GTSE1: variants seen among roughly 807,000 people sequenced by gnomAD.
GTSE1 encodes G2 and S-phase expressed 1, also known as G2 and S phase-expressed protein 1.
GTSE1 carries 52 observed loss-of-function variants against 60.5 expected under a neutral mutation model. The observed-to-expected ratio is 0.86, with a 90% CI of 0.69 to 1.08. The LOEUF (loss-of-function observed/expected upper bound fraction) is 1.08. Among genes scored for constraint, GTSE1 ranks in the 50% least tolerant of loss-of-function variants. The pLI is 0.00. For missense variants in GTSE1, 937 were observed against 961.8 expected, an observed-to-expected ratio of 0.97 and a Z score of 0.34; for synonymous variants, 368 against 386.5, an observed-to-expected ratio of 0.95 and a Z score of 0.56.
rs750967626 is a variant in GTSE1 at position 46,328,726 on chromosome 22, C to T, written c.1763C>T (p.Ser588Phe). The T allele has an allele frequency of 1.2e-6, 2 of 1,614,034 alleles. No individual in the cohort carries two copies. The highest frequency in any genetic ancestry group is 8.5e-7 in the Non-Finnish European group (1 of 1,179,858). The change falls in exon 10 of 12, where the codon TCC (serine) becomes TTC (phenylalanine). Residue 588 changes from serine to phenylalanine, a missense_variant. Coordinates refer to ENST00000454366, the MANE Select transcript of GTSE1 (RefSeq NM_016426.7). ...PTRESNRKTD[S>F]RLVDVSPDRG... is the part of the protein sequence containing the mutation. ...AGGGAGAGCAACAGAAAGACAGATT[C>T]CAGGCTGGTGGATGTGTCCCCTGAC...
chr22:46,308,535 C>CCAGGCAGCCCAAGCTGCCAAGCCTGAAG lies in GTSE1; in HGVS notation c.355_382dup (p.Asp128AlafsTer9). On this transcript the variant is annotated frameshift_variant, in exon 4 of 12. Transcript: ENST00000454366. LOFTEE classifies it high-confidence loss of function. ...TACACATTGAGAGCAGCAGCCGGAACCAGGCAGCCCAAGCTGCCAAGCCTG... is the reference window on the plus strand; with the variant it reads ...TACACATTGAGAGCAGCAGCCGGAACCAGGCAGCCCAAGCTGCCAAGCCTGAAGCAGGCAGCCCAAGCTGCCAAGCCTG... 1 of 1,614,164 alleles carries CCAGGCAGCCCAAGCTGCCAAGCCTGAAG rather than the reference C, an allele frequency of 6.2e-7. No homozygotes were observed. Among genetic ancestry groups the CCAGGCAGCCCAAGCTGCCAAGCCTGAAG allele is most frequent in the Non-Finnish European group, 8.5e-7 (1 of 1,180,018 alleles).
At chr22:46,299,372 T>C (rs1441493495) in intron 2 of GTSE1, among the ~76,000 whole-genome samples, 1 of 152,276 alleles carries the variant, frequency 6.6e-6, no homozygotes, top group Admixed American at 6.5e-5. Context: ...CTCCGAGCTC[T>C]GGGCTTGTAT....
In GTSE1 at chr22:46,297,711, C is replaced by G. The variant is rs2077665441; in HGVS notation, c.79+232C>G. Reference sequence around the variant, plus strand: ...TTATTTACCGCAGTGCTCCCATGCCCTGAACAGCACCTAACACTTTGTGGG... The same window carrying G: ...TTATTTACCGCAGTGCTCCCATGCCGTGAACAGCACCTAACACTTTGTGGG... On this transcript the variant is annotated intron_variant, in intron 2 of 11. Transcript: ENST00000454366. The surrounding 1 kb of genome is among the most constrained non-coding windows in gnomAD (Gnocchi z 4.9). Among the ~76,000 whole-genome samples the G allele has an allele frequency of 6.6e-6, 1 of 152,246 alleles. No homozygotes were observed. The highest frequency in any genetic ancestry group is 2.4e-5 in the African/African-American group (1 of 41,464).
chr22:46,308,461 G>A lies in GTSE1; in HGVS notation c.280G>A (p.Ala94Thr), dbSNP rs770828020. 1.2e-6 allele frequency: 2 copies of A among 1,614,050 alleles called. No homozygotes were observed. Among genetic ancestry groups the A allele is most frequent in the Admixed American group, 1.7e-5 (1 of 59,996 alleles). ...SESPFAWSPL[A>T]GEKFVEVYKE... is the part of the protein sequence containing the mutation. ...GAGTCCCTTTGCCTGGAGCCCTCTG[G>A]CCGGGGAGAAGTTCGTGGAGGTGTA... is the stretch of plus-strand genomic sequence containing the variant. The change falls in exon 4 of 12, where the codon GCC becomes ACC. Residue 94 changes from alanine to threonine, a missense_variant. Ala to Thr is a moderately conservative substitution (Grantham distance 58). Coordinates refer to ENST00000454366, the MANE Select transcript of GTSE1 (RefSeq NM_016426.7).
intron 6 of GTSE1, among the ~76,000 whole-genome samples, chr22:46,315,165 T>A (rs1032915117): frequency 7.0e-6 from 1 of 142,100 alleles, no homozygotes; most frequent in Non-Finnish European, 1.6e-5. Context: ...TTCGAGTGAT[T>A]CTCCTGCCTC....
In GTSE1 at chr22:46,314,732, C is replaced by T. The variant is rs555320243; in HGVS notation, c.1051+719C>T. Among the ~76,000 whole-genome samples the T allele has an allele frequency of 1.9e-4, 29 of 151,714 alleles. No individual in the cohort carries two copies. Among genetic ancestry groups the T allele is most frequent in the African/African-American group, 5.3e-4 (22 of 41,396 alleles). On this transcript the variant is annotated intron_variant, in intron 6 of 11. Transcript: ENST00000454366. This position sits in a 1 kb window ranked among gnomAD's most constrained non-coding sequence, Gnocchi z 7.1. The stretch of plus-strand genomic sequence containing the variant: ...CTCTACTAAAAACACAAAAACTAGC[C>T]GGGCATGGTGGCGGGTGCCTGTAGT...
At position 46,303,816 on chromosome 22, in the gene GTSE1, G is replaced by GT. The variant is rs2077702355; in HGVS notation, c.80-4333dup. Among the ~76,000 whole-genome samples, 11 of 152,284 alleles carry GT rather than the reference G, an allele frequency of 7.2e-5. No homozygotes were observed. The South Asian group carries it at 2.1e-3, about 29-fold the overall frequency. The stretch of plus-strand genomic sequence containing the variant: ...CAGTGAAATGGGAATGTTGTCGTGT[G>GT]TGTCATTTCTGGGTGGAAATCTTCA... On this transcript the variant is annotated intron_variant, in intron 2 of 11. Coordinates refer to ENST00000454366, the MANE Select transcript of GTSE1 (RefSeq NM_016426.7).
At chr22:46,300,417 C>T (rs985238533) in intron 2 of GTSE1, among the ~76,000 whole-genome samples, 7 of 152,270 alleles carry the variant, frequency 4.6e-5, no homozygotes, top group South Asian at 4.1e-4. Flanking sequence ...TCTTAAAGCC[C>T]GGTAATAGTT....
Position 46,308,808 on chromosome 22 carries a change from T to C in GTSE1, c.627T>C (p.Ala209=). 1.2e-6 allele frequency: 2 copies of C among 1,613,266 alleles called. No homozygotes were observed. The highest frequency in any genetic ancestry group is 1.7e-6 in the Non-Finnish European group (2 of 1,180,000). The change falls in exon 4 of 12, where the codon GCT becomes GCC. Residue 209 remains alanine, a synonymous_variant. Coordinates refer to ENST00000454366, the MANE Select transcript of GTSE1 (RefSeq NM_016426.7). ...GGGCGCCGGGGCCTCCGCACTCTGC[T>C]CATGCTTTGCCCAGGGAATCATGCA... ...LTRAPGPPHS[A]HALPRESCTA...
intron 8 of GTSE1, among the ~76,000 whole-genome samples, chr22:46,323,914 G>A (rs1056615535): frequency 7.9e-5 from 12 of 151,982 alleles, no homozygotes; most frequent in African/African-American, 2.2e-4. Flanking sequence ...GGATGGTCTC[G>A]ATCTCCTGGC....
Position 46,314,779 on chromosome 22 carries a change from G to A in GTSE1, c.1051+766G>A, listed in dbSNP as rs1303562080. Among the ~76,000 whole-genome samples, 2 of 150,830 alleles carry A rather than the reference G, an allele frequency of 1.3e-5. No homozygotes were observed. The highest frequency in any genetic ancestry group is 2.9e-5 in the Non-Finnish European group (2 of 67,904). ...TAGTCCCAGCTACTCGGGAGACTGG[G>A]CCACGAGAATGGCTTGAACGCGGGA... On this transcript the variant is annotated intron_variant, in intron 6 of 11. Coordinates refer to ENST00000454366, the MANE Select transcript of GTSE1 (RefSeq NM_016426.7). The surrounding 1 kb of genome is among the most constrained non-coding windows in gnomAD (Gnocchi z 7.1).
Position 46,318,625 on chromosome 22 carries a change from C to T in GTSE1, c.1432+2213C>T, listed in dbSNP as rs76958217. 6.6e-6 allele frequency among the ~76,000 whole-genome samples: 1 copy of T among 151,994 alleles called. No individual in the cohort carries two copies. Among genetic ancestry groups the T allele is most frequent in the Non-Finnish European group, 1.5e-5 (1 of 68,018 alleles). On this transcript the variant is annotated intron_variant, in intron 7 of 11. Coordinates refer to ENST00000454366, the MANE Select transcript of GTSE1 (RefSeq NM_016426.7). The surrounding 1 kb of genome is among the most constrained non-coding windows in gnomAD (Gnocchi z 4.8). ...GGTGACACGGGACTGAGATCTGAAC[C>T]AGGAGACTGAGGCAGCCGGTAGGAA...
In GTSE1 at chr22:46,321,938, G is replaced by A. The variant is rs2077815003; in HGVS notation, c.1433-1252G>A. ...ACAATACAAAAATTATCCGGGCGTG[G>A]TGGCGGGCACCTATAATTCCAGCTA... On this transcript the variant is annotated intron_variant, in intron 7 of 11. Transcript: ENST00000454366. The surrounding 1 kb of genome is among the most constrained non-coding windows in gnomAD (Gnocchi z 4.0). Among the ~76,000 whole-genome samples, 1 of 152,054 alleles carries A rather than the reference G, an allele frequency of 6.6e-6. No homozygotes were observed. Among genetic ancestry groups the A allele is most frequent in the South Asian group, 2.1e-4 (1 of 4,820 alleles).
At position 46,297,105 on chromosome 22, in the gene GTSE1, C is replaced by T. The variant is rs371165804; in HGVS notation, c.-22+174C>T. 4.6e-5 allele frequency among the ~76,000 whole-genome samples: 7 copies of T among 152,328 alleles called. No individual in the cohort carries two copies. The East Asian group carries it at 7.7e-4, about 17-fold the overall frequency. ...GTCGGGGATGCCGGGAGGTCTAGGG[C>T]TGCCCCCCAGGCAAACAGAGCCCCC... On this transcript the variant is annotated intron_variant, in intron 1 of 11. Coordinates refer to ENST00000454366, the MANE Select transcript of GTSE1 (RefSeq NM_016426.7). The surrounding 1 kb of genome is among the most constrained non-coding windows in gnomAD (Gnocchi z 4.9).
rs2077762360 is a variant in GTSE1, at chr22:46,313,792, C to A, written c.928-98C>A. 5.2e-6 allele frequency: 7 copies of A among 1,358,836 alleles called. No individual in the cohort carries two copies. In the Admixed American group the frequency reaches 1.2e-4, roughly 24 times the overall value. The allele number at this position is 1,358,836 out of a possible 1,614,324, so 84.2% of individuals were successfully genotyped here. ...AAAGTGCTGGGATTACAGGCGTGAG[C>A]CACCGTGCCCAGCCAAAAACCCCTT... On this transcript the variant is annotated intron_variant, in intron 5 of 11. Coordinates refer to ENST00000454366, the MANE Select transcript of GTSE1 (RefSeq NM_016426.7). The surrounding 1 kb of genome is among the most constrained non-coding windows in gnomAD (Gnocchi z 4.4).
chr22:46,311,296 T>A (rs2077747272), intron 4 of GTSE1, among the ~76,000 whole-genome samples: 1 of 152,190 alleles, frequency 6.6e-6, no homozygotes, highest in Non-Finnish European at 1.5e-5. Flanking sequence ...CAGGCTGGTC[T>A]CAAACTCCTG....
rs1180517612 is a variant in GTSE1, at chr22:46,317,038, T to A, written c.1432+626T>A. 6.6e-6 allele frequency among the ~76,000 whole-genome samples: 1 copy of A among 152,236 alleles called. No homozygotes were observed. Among genetic ancestry groups the A allele is most frequent in the African/African-American group, 2.4e-5 (1 of 41,468 alleles). ...ATGCAGTGGCGCGATCTCAGCGCAC[T>A]GTAACCTCCACCTACCGAGTTCAAG... On this transcript the variant is annotated intron_variant, in intron 7 of 11. Transcript: ENST00000454366. The surrounding 1 kb of genome is among the most constrained non-coding windows in gnomAD (Gnocchi z 5.6).
chr22:46,329,392 CG>C lies in GTSE1; in HGVS notation c.1963del (p.Val655SerfsTer28). 6.2e-7 allele frequency: 1 copy of C among 1,614,106 alleles called. No individual in the cohort carries two copies. The highest frequency in any genetic ancestry group is 8.5e-7 in the Non-Finnish European group (1 of 1,179,962). On this transcript the variant is annotated frameshift_variant, in exon 11 of 12. Coordinates refer to ENST00000454366, the MANE Select transcript of GTSE1 (RefSeq NM_016426.7). LOFTEE classifies it high-confidence loss of function. The surrounding 1 kb of genome is among the most constrained non-coding windows in gnomAD (Gnocchi z 6.4). ...LLVDIKLEPL[A>X]VTPDAASQPL... Reference sequence around the variant, plus strand: ...GTAGATATCAAACTGGAACCACTCGCGGTCACTCCAGATGCTGCAAGCCAGC... The same window carrying C: ...GTAGATATCAAACTGGAACCACTCGCGTCACTCCAGATGCTGCAAGCCAGC...
rs568440694 is a variant in GTSE1 at position 46,329,750 on chromosome 22, G to A, written c.2136+183G>A. 3.9e-5 allele frequency among the ~76,000 whole-genome samples: 6 copies of A among 152,272 alleles called. No homozygotes were observed. The highest frequency in any genetic ancestry group is 1.2e-4 in the African/African-American group (5 of 41,556). ...TTCTCAAAGATCAGCTGCCTCTGAG[G>A]TGCCCTGCCAGGACCCTGCCAGCTC... On this transcript the variant is annotated intron_variant, in intron 11 of 11. Transcript: ENST00000454366. The surrounding 1 kb of genome is among the most constrained non-coding windows in gnomAD (Gnocchi z 6.4).
Sources: allele counts gnomAD v4.1 joint callset (sites outside exome capture counted in the v4.1 genomes callset), GRCh38; gene constraint gnomAD v4.1.1; non-coding constraint Gnocchi (gnomAD v3.1); transcripts MANE v1.5; gene names NCBI Gene and HGNC (gene_info 2026-07-23, HGNC 2026-07-21).